The following FAT4 variants were observed in gnomAD, a reference collection of about 807,000 sequenced individuals.
FAT4 encodes the protein protocadherin Fat 4.
FAT4 carries 84 observed loss-of-function variants against 303.9 expected under a neutral mutation model. That is an observed-to-expected ratio of 0.28 (90% CI 0.23 to 0.33). The LOEUF (loss-of-function observed/expected upper bound fraction) is 0.33. Among genes scored for constraint, FAT4 ranks in the 10% least tolerant of loss-of-function variants. FAT4 has a pLI of 1.00. For synonymous variants in FAT4, 2,307 were observed against 2,298.8 expected (o/e 1.00, Z -0.10); for missense variants, 6,005 against 6,146.8 (o/e 0.98, Z 0.77).
chr4:125,407,220 T>A, intron 4 of FAT4, 79 bp downstream of exon 4: 3 of 1,285,900 alleles, frequency 2.3e-6, no homozygotes, highest in Non-Finnish European at 3.3e-6. Context: ...CGGCTGCTCT[T>A]AATCAATGAT....
rs567419230 is a variant in FAT4 at position 125,432,798 on chromosome 4, CTT to C, written c.7019-1446_7019-1445del. Among the ~76,000 whole-genome samples, 9 of 120,380 alleles carry C rather than the reference CTT, an allele frequency of 7.5e-5. No individual in the cohort carries two copies. The East Asian group carries it at 1.9e-3, about 26-fold the overall frequency. 79.0% of individuals were successfully genotyped at this position (120,380 alleles called of 152,430 possible). ...TTTGTATGTTAATTTAAATGAAACA[CTT>C]AATATAAAATATCTTATGATATATA... On this transcript the variant is annotated intron_variant, in intron 7 of 17. Transcript: ENST00000394329.
chr4:125,326,039 T>C (rs550242086), intron 2 of FAT4, among the ~76,000 whole-genome samples: 1 of 152,094 alleles, frequency 6.6e-6, no homozygotes, highest in East Asian at 1.9e-4. Flanking sequence ...TTGGTGTGGG[T>C]AGTGAGATTT....
chr4:125,416,280 G>C lies in FAT4; in HGVS notation c.6844-168G>C, dbSNP rs571864004. ...ACATATTTTTACACAAATAGACTCG[G>C]GTGATATATACTATAGTGTGCCATT... On this transcript the variant is annotated intron_variant, in intron 6 of 17. Transcript: ENST00000394329. Among the ~76,000 whole-genome samples, 6 of 152,018 alleles carry C rather than the reference G, an allele frequency of 3.9e-5. No homozygotes were observed. The East Asian group carries it at 1.2e-3, about 29-fold the overall frequency.
intron 2 of FAT4, among the ~76,000 whole-genome samples, chr4:125,322,409 C>A (rs1354686406): frequency 6.6e-6 from 1 of 152,140 alleles, no homozygotes; most frequent in African/African-American, 2.4e-5. Context: ...TAGGCTACTG[C>A]CTCCTTGTAT....
chr4:125,427,569 AT>A (rs11371145), intron 7 of FAT4, among the ~76,000 whole-genome samples: 3 of 151,976 alleles, frequency 2.0e-5, no homozygotes, highest in Admixed American at 2.0e-4. Context: ...TGTTTTATGT[AT>A]TTTTTGTATT....
intron 2 of FAT4, among the ~76,000 whole-genome samples, chr4:125,379,162 G>T (rs1283706431): frequency 6.6e-6 from 1 of 151,918 alleles, no homozygotes; most frequent in Admixed American, 6.6e-5. Flanking sequence ...TCACTTAAAA[G>T]TGAGAACAAA....
chr4:125,410,719 A>G (rs1353316046), intron 5 of FAT4, among the ~76,000 whole-genome samples: 1 of 152,146 alleles, frequency 6.6e-6, no homozygotes, highest in South Asian at 2.1e-4. Context: ...GATACCAAAA[A>G]ATTAAAAAGA....
chr4:125,377,762 A>T (rs2125996265), intron 2 of FAT4, among the ~76,000 whole-genome samples: 1 of 152,214 alleles, frequency 6.6e-6, no homozygotes. Context: ...GCAAACTCTC[A>T]CAAACCAAAA....
chr4:125,360,186 T>A (rs1732599570), intron 2 of FAT4, among the ~76,000 whole-genome samples: 1 of 152,144 alleles, frequency 6.6e-6, no homozygotes, highest in Admixed American at 6.6e-5. Flanking sequence ...CCTTTACGCA[T>A]TGCTAGCACC....
chr4:125,435,239 C>A (rs1306129459), intron 8 of FAT4, among the ~76,000 whole-genome samples: 1 of 152,120 alleles, frequency 6.6e-6, no homozygotes, highest in African/African-American at 2.4e-5. Context: ...ATTTTATCAA[C>A]CTAGATTGTC....
At chr4:125,338,067 AG>A in intron 2 of FAT4, among the ~76,000 whole-genome samples, 1 of 152,286 alleles carries the variant, frequency 6.6e-6, no homozygotes, top group South Asian at 2.1e-4. Flanking sequence ...CAAGATTGCC[AG>A]GATATAACAT....
At chr4:125,334,220 T>C (rs201327184) in intron 2 of FAT4, among the ~76,000 whole-genome samples, 119 of 152,036 alleles carry the variant, frequency 7.8e-4, no homozygotes, top group East Asian at 6.2e-3. Flanking sequence ...CCCAAAGACA[T>C]CTCCCAAAAA....
intron 2 of FAT4, among the ~76,000 whole-genome samples, chr4:125,342,653 A>T (rs1308544402): frequency 2.6e-5 from 4 of 151,892 alleles, no homozygotes; most frequent in Non-Finnish European, 5.9e-5. Flanking sequence ...CACTCAGCAC[A>T]TTATAAACTT....
In FAT4 at chr4:125,406,906, T is replaced by G; in HGVS notation, c.5334T>G (p.Thr1778=). The G allele has an allele frequency of 6.2e-7, 1 of 1,613,852 alleles. No homozygotes were observed. Among genetic ancestry groups the G allele is most frequent in the South Asian group, 1.1e-5 (1 of 91,082 alleles). ...DEGANALVTY[T]IISGADDSFR... ...GTGCAAATGCTCTCGTCACATACAC[T>G]ATCATTAGTGGAGCTGATGATAGTT... Residue 1778 remains threonine (T), a synonymous_variant, in exon 4 of 18, where the codon ACT becomes ACG. Transcript: ENST00000394329.
Position 125,321,261 on chromosome 4 carries a change from T to C in FAT4, c.4850T>C (p.Leu1617Ser), listed in dbSNP as rs751264345. The change falls in exon 2 of 18, where the codon TTG becomes TCG. Residue 1617 changes from leucine to serine, a missense_variant. By Grantham distance (145) the Leu-to-Ser change is moderately radical. Coordinates refer to ENST00000394329, the MANE Select transcript of FAT4 (RefSeq NM_001291303.3). ...GPERRKSTTE[L>S]TIILQGLDGP... Reference sequence around the variant, plus strand: ...GAAAGGAGGAAATCGACCACTGAATTGACCATCATTCTTCAGGGCCTTGAT... The same window carrying C: ...GAAAGGAGGAAATCGACCACTGAATCGACCATCATTCTTCAGGGCCTTGAT... The C allele has an allele frequency of 6.2e-7, 1 of 1,614,052 alleles. No homozygotes were observed.
intron 2 of FAT4, among the ~76,000 whole-genome samples, chr4:125,368,604 A>G (rs1732980034): frequency 6.6e-6 from 1 of 150,524 alleles, no homozygotes; most frequent in South Asian, 2.1e-4. Flanking sequence ...CTGATTCTGA[A>G]ACTCAAAACT....
intron 12 of FAT4, among the ~76,000 whole-genome samples, chr4:125,470,346 C>A (rs1726813880): frequency 6.6e-6 from 1 of 152,162 alleles, no homozygotes; most frequent in South Asian, 2.1e-4. Flanking sequence ...GCTATATTCA[C>A]CCCTGATGAG....
chr4:125,357,333 A>C (rs1325315164), intron 2 of FAT4, among the ~76,000 whole-genome samples: 1 of 152,132 alleles, frequency 6.6e-6, no homozygotes, highest in East Asian at 1.9e-4. Context: ...CTCGATTGAT[A>C]ATAAAATTTG....
Position 125,463,582 on chromosome 4 carries a change from A to G in FAT4, c.11820A>G (p.Ser3940=), listed in dbSNP as rs17009721. The G allele has an allele frequency of 4.6e-3, 7,331 of 1,585,638 alleles. 300 individuals carry two copies. The African/African-American group carries it at 0.088, about 19-fold the overall frequency. ...TGYTGKMCES[S]VNYCECNPCF... ...TTTTAGGGAAAATGTGTGAATCTTC[A>G]GTCAATTACTGTGAATGCAACCCCT... Residue 3940 remains serine (S), a synonymous_variant, in exon 11 of 18, where the codon TCA becomes TCG. Transcript: ENST00000394329.
Sources: gnomAD v4.1 joint callset for allele counts (sites outside exome capture counted in the v4.1 genomes callset) on GRCh38, gnomAD v4.1.1 for gene constraint, MANE v1.5 for transcripts, NCBI Gene and HGNC (gene_info 2026-07-23, HGNC 2026-07-21) for gene names.